TENM3: variants seen among roughly 807,000 people sequenced by gnomAD.
TENM3 encodes the protein teneurin-3.
In TENM3, 63 loss-of-function variants were observed where a neutral mutation model predicts 255.1. That is an observed-to-expected ratio of 0.25 (90% CI 0.20 to 0.30). The LOEUF (loss-of-function observed/expected upper bound fraction) is 0.30, where lower values mean the gene tolerates loss of function less well. Among genes scored for constraint, TENM3 ranks in the 10% least tolerant of loss-of-function variants. TENM3 has a pLI of 1.00. For missense variants in TENM3, 2,929 were observed against 3,461.1 expected, an observed-to-expected ratio of 0.85 and a Z score of 3.86; for synonymous variants, 1,306 against 1,322.3, an observed-to-expected ratio of 0.99 and a Z score of 0.27.
At chr4:181,683,033 TTAAATAAA>T in the TENM3 span, among the ~76,000 whole-genome samples, 1 of 151,348 alleles carries the variant, frequency 6.6e-6, no homozygotes, top group South Asian at 2.1e-4. Context: ...GATTCCATCA[TTAAATAAA>T]TAAATAAATA....
chr4:182,117,789 T>A, the TENM3 span, among the ~76,000 whole-genome samples: 1 of 152,128 alleles, frequency 6.6e-6, no homozygotes, highest in Admixed American at 6.6e-5. Context: ...CCATATAAAC[T>A]TTGGAATCAG....
intron 3 of TENM3, among the ~76,000 whole-genome samples, chr4:182,468,248 C>G (rs1034683770): frequency 3.3e-5 from 5 of 152,082 alleles, no homozygotes; most frequent in African/African-American, 1.2e-4. Context: ...ATTAAAAAGG[C>G]ATTACATAAC....
chr4:182,195,124 G>C (rs1239279283), intron 1 of TENM3, among the ~76,000 whole-genome samples: 1 of 151,370 alleles, frequency 6.6e-6, no homozygotes, highest in Non-Finnish European at 1.5e-5. Context: ...CCATGTAGGA[G>C]AAATGTTGTC....
At chr4:182,679,601 A>G (rs1755955617) in intron 7 of TENM3, 65 bp from the exon 8 acceptor site, 13 of 1,016,754 alleles carry the variant, frequency 1.3e-5, no homozygotes, top group Middle Eastern at 3.4e-4. Context: ...ATTGAAGAGA[A>G]AAAAAAAAAG....
At chr4:181,875,393 A>G in the TENM3 span, among the ~76,000 whole-genome samples, 1 of 149,316 alleles carries the variant, frequency 6.7e-6, no homozygotes, top group Non-Finnish European at 1.5e-5. Context: ...TTCCAAATTT[A>G]ATATTGTTAT....
At chr4:182,166,771 A>G (rs569207311) in intron 1 of TENM3, among the ~76,000 whole-genome samples, 3 of 152,296 alleles carry the variant, frequency 2.0e-5, no homozygotes, top group African/African-American at 7.2e-5. Flanking sequence ...AGCTGGAATT[A>G]CAAGCAAGAT....
At chr4:181,834,718 T>TC in the TENM3 span, 2 of 152,236 alleles carry the variant, frequency 1.3e-5, no homozygotes, top group Non-Finnish European at 2.9e-5. Context: ...CACGTGTTTA[T>TC]CCTTTTGATT....
chr4:181,697,994 C>T, the TENM3 span, among the ~76,000 whole-genome samples: 1 of 151,826 alleles, frequency 6.6e-6, no homozygotes, highest in Non-Finnish European at 1.5e-5. Flanking sequence ...GCGGGCGGAT[C>T]ATGAGGTCAG....
At chr4:182,265,966 T>C (rs183446691) in intron 1 of TENM3, among the ~76,000 whole-genome samples, 1 of 152,350 alleles carries the variant, frequency 6.6e-6, no homozygotes, top group African/African-American at 2.4e-5. Flanking sequence ...ATAAACTGCC[T>C]CTTTAACTTT....
At chr4:182,542,031 C>A (rs1050825096) in intron 3 of TENM3, among the ~76,000 whole-genome samples, 2 of 152,102 alleles carry the variant, frequency 1.3e-5, no homozygotes, top group African/African-American at 4.8e-5. Flanking sequence ...CCACTGCATT[C>A]CAGCCTGGGC....
chr4:181,928,826 G>A, the TENM3 span, among the ~76,000 whole-genome samples: 1 of 152,148 alleles, frequency 6.6e-6, no homozygotes, highest in Non-Finnish European at 1.5e-5. Flanking sequence ...ACTAACAGTG[G>A]ATCTCTCTGC....
the TENM3 span, among the ~76,000 whole-genome samples, chr4:181,487,442 A>G: frequency 2.0e-5 from 3 of 152,202 alleles, no homozygotes; most frequent in Non-Finnish European, 4.4e-5. Context: ...TCAGAGTACC[A>G]GCAGACTCAG....
chr4:181,939,471 G>C, the TENM3 span, among the ~76,000 whole-genome samples: 8 of 152,244 alleles, frequency 5.3e-5, no homozygotes, highest in African/African-American at 1.9e-4. Flanking sequence ...CTGTGGCTGT[G>C]ATCAGCCTGT....
intron 24 of TENM3, among the ~76,000 whole-genome samples, chr4:182,784,921 G>A (rs996692456): frequency 1.5e-3 from 233 of 152,188 alleles, no homozygotes; most frequent in African/African-American, 5.3e-3. Flanking sequence ...GCTCGCGCAC[G>A]GTGCGCGCAC....
At chr4:181,882,774 A>ACTT in the TENM3 span, among the ~76,000 whole-genome samples, 1 of 152,186 alleles carries the variant, frequency 6.6e-6, no homozygotes, top group Non-Finnish European at 1.5e-5. Flanking sequence ...CTAGTCCAAC[A>ACTT]CTTTCTTCTA....
the TENM3 span, among the ~76,000 whole-genome samples, chr4:181,536,974 T>C: frequency 1.3e-5 from 2 of 152,330 alleles, no homozygotes; most frequent in South Asian, 4.1e-4. Context: ...ATCAGCTTAT[T>C]AACTTCACCT....
Position 182,739,137 on chromosome 4 carries a change from A to G in TENM3, c.3379+593A>G, listed in dbSNP as rs184399238. Among the ~76,000 whole-genome samples, 15 of 152,150 alleles carry G rather than the reference A, an allele frequency of 9.9e-5. No individual in the cohort carries two copies. The East Asian group carries it at 1.9e-3, about 20-fold the overall frequency. ...ATTGTTACTTGACTTGGTGAATATT[A>G]GGGGAAAAAATGAATAATCTGAGAA... On this transcript the variant is annotated intron_variant, in intron 18 of 27. Coordinates refer to ENST00000511685, the MANE Select transcript of TENM3 (RefSeq NM_001080477.4).
chr4:181,537,919 T>C, the TENM3 span, among the ~76,000 whole-genome samples: 3 of 152,244 alleles, frequency 2.0e-5, no homozygotes, highest in African/African-American at 7.2e-5. Context: ...GTAAAACTGC[T>C]TGAAATATGC....
chr4:182,764,489 T>A (rs1238825877), intron 22 of TENM3, among the ~76,000 whole-genome samples: 1 of 152,116 alleles, frequency 6.6e-6, no homozygotes, highest in Non-Finnish European at 1.5e-5. Flanking sequence ...TAAATCCGAT[T>A]GAGAACTGGG....
Sources: allele counts gnomAD v4.1 joint callset (sites outside exome capture counted in the v4.1 genomes callset), GRCh38; gene constraint gnomAD v4.1.1; transcripts MANE v1.5; gene names NCBI Gene and HGNC (gene_info 2026-07-23, HGNC 2026-07-21).